CHAF1A: variants seen among roughly 807,000 people sequenced by gnomAD.
The protein encoded by CHAF1A is CAF-1 subunit A.
In CHAF1A, 5 loss-of-function variants were observed where a neutral mutation model predicts 93.2. The ratio of observed to expected loss-of-function variants is 0.05; its 90% CI spans 0.03 to 0.11. CHAF1A has a LOEUF of 0.11. Ranked by LOEUF, CHAF1A falls within the 10% of genes least tolerant of loss-of-function variation. The pLI, the probability that CHAF1A is intolerant of heterozygous loss-of-function variation, is 1.00. For missense variants in CHAF1A, 1,102 were observed against 1,259.9 expected, an observed-to-expected ratio of 0.87 and a Z score of 1.90; for synonymous variants, 504 against 510.3, an observed-to-expected ratio of 0.99 and a Z score of 0.17.
rs1381652998 is a variant in CHAF1A at position 4,433,445 on chromosome 19, G to T, written c.2579G>T (p.Gly860Val). 1 of 1,607,778 alleles carries T rather than the reference G, an allele frequency of 6.2e-7. No homozygotes were observed. Among genetic ancestry groups the T allele is most frequent in the African/African-American group, 1.3e-5 (1 of 74,786 alleles). ...KEDSGSVPST[G>V]PSQGTPISLK... is the part of the protein sequence containing the mutation. Reference sequence around the variant, plus strand: ...GACAGTGGCAGCGTCCCCTCCACGGGGCCCAGCCAGGGCACTCCCATCTCG... The same window carrying T: ...GACAGTGGCAGCGTCCCCTCCACGGTGCCCAGCCAGGGCACTCCCATCTCG... The change falls in exon 13 of 15, where the codon GGG (glycine) becomes GTG (valine). Residue 860 changes from glycine (G) to valine (V), a missense_variant. Physicochemically the swap from Gly to Val is moderately radical, Grantham distance 109. Transcript: ENST00000301280. The surrounding 1 kb of genome is among the most constrained non-coding windows in gnomAD (Gnocchi z 5.6).
intron 12 of CHAF1A, among the ~76,000 whole-genome samples, chr19:4,432,741 C>T (rs1974208479): frequency 7.0e-6 from 1 of 143,048 alleles, no homozygotes; most frequent in African/African-American, 2.6e-5. Context: ...GCCTGGGTGA[C>T]AGAGCAAGAC....
In CHAF1A at chr19:4,427,297, C is replaced by T. The variant is rs574344419; in HGVS notation, c.1378-1367C>T. Among the ~76,000 whole-genome samples, 16 of 144,098 alleles carry T rather than the reference C, an allele frequency of 1.1e-4. 1 individual carries two copies. In the South Asian group the frequency reaches 3.1e-3, roughly 28 times the overall value. 94.5% of individuals were successfully genotyped at this position (144,098 alleles called of 152,430 possible). A position where few individuals can be genotyped will look rare whatever the true frequency, so the allele number is the denominator to read the frequency against. The stretch of plus-strand genomic sequence containing the variant: ...CCTGAGTAGCTGGGACTACAGGTGC[C>T]CACCACCATGCCAAGCTAATTTTTG... On this transcript the variant is annotated intron_variant, in intron 7 of 14. Coordinates refer to ENST00000301280, the MANE Select transcript of CHAF1A (RefSeq NM_005483.3).
intron 3 of CHAF1A, among the ~76,000 whole-genome samples, chr19:4,411,313 T>G (rs1407404907): frequency 2.0e-5 from 3 of 152,106 alleles, no homozygotes; most frequent in Admixed American, 6.5e-5. Flanking sequence ...CACTGCAACC[T>G]CCGCCTCTTG....
chr19:4,445,404 T>C (rs993825220), downstream of CHAF1A: 3 of 1,574,096 alleles, frequency 1.9e-6, no homozygotes, highest in African/African-American at 4.1e-5. Flanking sequence ...GCCAAGTATT[T>C]CCAGAGGTGG....
At chr19:4,415,067 T>G (rs1281119671) in intron 3 of CHAF1A, among the ~76,000 whole-genome samples, 1 of 151,994 alleles carries the variant, frequency 6.6e-6, no homozygotes, top group African/African-American at 2.4e-5. Flanking sequence ...GGATTGTCGG[T>G]TTTTGTGTTT....
At position 4,422,936 on chromosome 19, in the gene CHAF1A, C is replaced by T. The variant is rs1163877016; in HGVS notation, c.1247+141C>T. Reference sequence around the variant, plus strand: ...TCCCATTTCTCCTTCGTGAGGTGCCCGTGGGGCCCTGACGTGGGAGCGGTG... The same window carrying T: ...TCCCATTTCTCCTTCGTGAGGTGCCTGTGGGGCCCTGACGTGGGAGCGGTG... On this transcript the variant is annotated intron_variant, in intron 5 of 14. Coordinates refer to ENST00000301280, the MANE Select transcript of CHAF1A (RefSeq NM_005483.3). This position sits in a 1 kb window ranked among gnomAD's most constrained non-coding sequence, Gnocchi z 4.6. 7.3e-6 allele frequency: 6 copies of T among 821,570 alleles called. No individual in the cohort carries two copies. Among genetic ancestry groups the T allele is most frequent in the South Asian group, 3.6e-5 (2 of 54,812 alleles). 50.9% of individuals were successfully genotyped at this position (821,570 alleles called of 1,614,324 possible).
At chr19:4,448,187 C>T (rs1023992148), downstream of CHAF1A, 8 of 811,456 alleles carry the variant, frequency 9.9e-6, no homozygotes, top group African/African-American at 1.2e-4. Context: ...AGCTGCCTCA[C>T]TCTCGGCCTA....
At chr19:4,420,957 G>C (rs899300656) in intron 4 of CHAF1A, among the ~76,000 whole-genome samples, 1 of 152,200 alleles carries the variant, frequency 6.6e-6, no homozygotes, top group African/African-American at 2.4e-5. Context: ...CCAGCTACTC[G>C]GGAGGCTGAG....
intron 4 of CHAF1A, among the ~76,000 whole-genome samples, chr19:4,421,750 T>G (rs937256159): frequency 6.6e-6 from 1 of 152,130 alleles, no homozygotes; most frequent in Non-Finnish European, 1.5e-5. Flanking sequence ...CACTCCACCA[T>G]GGGCAACAGA....
intron 7 of CHAF1A, among the ~76,000 whole-genome samples, chr19:4,426,065 T>C (rs772584057): frequency 1.5e-4 from 23 of 152,266 alleles, no homozygotes; most frequent in Middle Eastern, 3.4e-3. Context: ...TACAGGATTT[T>C]CTTTTTTTTT....
chr19:4,411,644 C>CTTTTTTTTTTT (rs66491258), intron 3 of CHAF1A, among the ~76,000 whole-genome samples: 1,474 of 48,098 alleles, frequency 0.031, 422 homozygotes, highest in Non-Finnish European at 0.048. Flanking sequence ...TGGTGCAAAT[C>CTTTTTTTTTTT]TTTTTTTTTT....
At chr19:4,426,933 A>T (rs1248255518) in intron 7 of CHAF1A, among the ~76,000 whole-genome samples, 1 of 151,766 alleles carries the variant, frequency 6.6e-6, no homozygotes, top group Admixed American at 6.6e-5. Context: ...AAATACTAAA[A>T]ATACAAAAAT....
intron 13 of CHAF1A, among the ~76,000 whole-genome samples, chr19:4,440,315 A>C (rs887599593): frequency 8.6e-5 from 13 of 151,994 alleles, no homozygotes; most frequent in African/African-American, 3.1e-4. Flanking sequence ...CAGCTCAGGA[A>C]TCTTACTAGG....
intron 2 of CHAF1A, among the ~76,000 whole-genome samples, chr19:4,408,556 C>T (rs1468139778): frequency 7.0e-6 from 1 of 142,910 alleles, no homozygotes; most frequent in Non-Finnish European, 1.5e-5. Flanking sequence ...TCACTTCAAC[C>T]TCTGCCTCCC....
At chr19:4,447,402 T>G (rs536810627), downstream of CHAF1A, 11 of 795,584 alleles carry the variant, frequency 1.4e-5, no homozygotes, top group East Asian at 2.6e-5. Flanking sequence ...CCTGCTACCT[T>G]CTACTGGCCG....
chr19:4,434,639 C>T lies in CHAF1A; in HGVS notation c.2673+1100C>T, dbSNP rs149515754. Among the ~76,000 whole-genome samples, 171 of 152,134 alleles carry T rather than the reference C, an allele frequency of 1.1e-3. 4 individuals carry two copies. Among genetic ancestry groups the T allele is most frequent in the African/African-American group, 3.8e-3 (159 of 41,492 alleles). On this transcript the variant is annotated intron_variant, in intron 13 of 14. Coordinates refer to ENST00000301280, the MANE Select transcript of CHAF1A (RefSeq NM_005483.3). ...TGGCAGTATGCGTTGACAGTTCCTCCGTGTCTGTTTGTGGCTTGATAGCTC... is the reference window on the plus strand; with the variant it reads ...TGGCAGTATGCGTTGACAGTTCCTCTGTGTCTGTTTGTGGCTTGATAGCTC...
At chr19:4,424,644 AT>A (rs996362791) in intron 7 of CHAF1A, among the ~76,000 whole-genome samples, 2 of 150,844 alleles carry the variant, frequency 1.3e-5, no homozygotes, top group African/African-American at 2.4e-5. Flanking sequence ...TTTTATTTTT[AT>A]TTTTTTTGAG....
At chr19:4,445,704 C>T (rs902147658), downstream of CHAF1A, 59 of 1,558,334 alleles carry the variant, frequency 3.8e-5, no homozygotes, top group East Asian at 3.4e-4. Context: ...AACCTGGGCG[C>T]GGGGATGCCC....
chr19:4,430,669 G>T, intron 11 of CHAF1A, 28 bp downstream of exon 11: 1 of 1,612,542 alleles, frequency 6.2e-7, no homozygotes, highest in East Asian at 2.2e-5. Context: ...GAGGTCACCG[G>T]CTCAGCAAAA....
Sources: gnomAD v4.1 joint callset for allele counts (sites outside exome capture counted in the v4.1 genomes callset) on GRCh38, gnomAD v4.1.1 for gene constraint, Gnocchi (gnomAD v3.1) non-coding constraint, MANE v1.5 for transcripts, NCBI Gene and HGNC (gene_info 2026-07-23, HGNC 2026-07-21) for gene names.